The following LSAMP variants were observed in gnomAD, a reference collection of about 807,000 sequenced individuals.
LSAMP encodes limbic system-associated membrane protein.
Under a neutral mutation model 38.6 loss-of-function variants are expected in LSAMP, and 7 were observed. The observed-to-expected ratio is 0.18, with a 90% CI of 0.10 to 0.34. The LOEUF (loss-of-function observed/expected upper bound fraction) is 0.34, where lower values mean the gene tolerates loss of function less well. LSAMP is among the 10% of genes least tolerant of loss of function. The probability of loss-of-function intolerance (pLI) is 1.00; values close to 1 mark genes in which losing one functional copy is unlikely to be tolerated. For synonymous variants in LSAMP, 154 were observed against 166.8 expected (o/e 0.92, Z 0.59); for missense variants, 313 against 420.0 (o/e 0.75, Z 2.23).
chr3:116,213,635 G>A, intron 1 of LSAMP, among the ~76,000 whole-genome samples: 1 of 152,070 alleles, frequency 6.6e-6, no homozygotes. Context: ...AAACTAAATA[G>A]ACAACATGTG....
chr3:116,349,068 T>G (rs2048102475), intron 1 of LSAMP, among the ~76,000 whole-genome samples: 1 of 152,222 alleles, frequency 6.6e-6, no homozygotes, highest in Non-Finnish European at 1.5e-5. Flanking sequence ...TTCCACTGAA[T>G]GTGGATAATA....
At chr3:115,831,020 T>C (rs1396252888) in intron 6 of LSAMP, among the ~76,000 whole-genome samples, 2 of 152,342 alleles carry the variant, frequency 1.3e-5, no homozygotes, top group East Asian at 3.9e-4. Flanking sequence ...TTCTAAACTT[T>C]AATTTTGGGA....
At position 115,928,973 on chromosome 3, in the gene LSAMP, G is replaced by GTTTTTTTTTTTTTTTT. The variant is rs67711628; in HGVS notation, c.515-76372_515-76357dup. 4.3e-3 allele frequency among the ~76,000 whole-genome samples: 472 copies of GTTTTTTTTTTTTTTTT among 109,850 alleles called. 3 individuals carry two copies. Among genetic ancestry groups the GTTTTTTTTTTTTTTTT allele is most frequent in the East Asian group, 4.8e-3 (16 of 3,368 alleles). 72.1% of individuals were successfully genotyped at this position (109,850 alleles called of 152,430 possible). A position where few individuals can be genotyped will look rare whatever the true frequency, so the allele number is the denominator to read the frequency against. Reference sequence around the variant, plus strand: ...GGCTTATCATGCAGGTTTTTTGTTTGTTTTTTTTTTTTTTTTTGCTTGTTT... The same window carrying GTTTTTTTTTTTTTTTT: ...GGCTTATCATGCAGGTTTTTTGTTTGTTTTTTTTTTTTTTTTTTTTTTTTTTTTTTTTTGCTTGTTT... On this transcript the variant is annotated intron_variant, in intron 3 of 6. Transcript: ENST00000490035.
chr3:115,842,455 T>C lies in LSAMP; in HGVS notation c.770+3A>G, dbSNP rs1252736271. On this transcript the variant is annotated splice_donor_region_variant and intron_variant, in intron 5 of 6. Coordinates refer to ENST00000490035, the MANE Select transcript of LSAMP (RefSeq NM_002338.5). ...CATGGGGGATGGTAGGTTTGGCACATACCTAGTGTCATCCCGGTACCACTC... is the reference window on the plus strand; with the variant it reads ...CATGGGGGATGGTAGGTTTGGCACACACCTAGTGTCATCCCGGTACCACTC... 6.2e-7 allele frequency: 1 copy of C among 1,613,338 alleles called. No homozygotes were observed. Among genetic ancestry groups the C allele is most frequent in the African/African-American group, 1.3e-5 (1 of 74,904 alleles).
chr3:116,438,550 T>C lies in LSAMP; in HGVS notation c.155+6327A>G, dbSNP rs570564960. On this transcript the variant is annotated intron_variant, in intron 1 of 6. Coordinates refer to ENST00000490035, the MANE Select transcript of LSAMP (RefSeq NM_002338.5). The stretch of plus-strand genomic sequence containing the variant: ...ACTAAAGAGAAATCACTATATAAAA[T>C]TGAGATGAATTATACAATTATTTAG... Among the ~76,000 whole-genome samples the C allele has an allele frequency of 1.1e-4, 16 of 152,354 alleles. No individual in the cohort carries two copies. In the East Asian group the frequency reaches 2.9e-3, roughly 27 times the overall value.
chr3:115,859,181 G>A (rs1329433804), intron 3 of LSAMP, among the ~76,000 whole-genome samples: 1 of 152,130 alleles, frequency 6.6e-6, no homozygotes, highest in Non-Finnish European at 1.5e-5. Context: ...GCTGTCCAAA[G>A]GCTGAAACCA....
intron 3 of LSAMP, among the ~76,000 whole-genome samples, chr3:115,944,261 A>G (rs1938023391): frequency 6.6e-6 from 1 of 152,134 alleles, no homozygotes; most frequent in South Asian, 2.1e-4. Context: ...GCTCTCATTG[A>G]AAGTAAGAAC....
chr3:115,818,367 A>G (rs547636197), intron 6 of LSAMP, among the ~76,000 whole-genome samples: 2 of 152,264 alleles, frequency 1.3e-5, no homozygotes, highest in South Asian at 4.1e-4. Context: ...ATCTTCAGTT[A>G]AAAAACACTA....
chr3:115,983,831 A>G (rs2107631462), intron 3 of LSAMP, among the ~76,000 whole-genome samples: 1 of 152,322 alleles, frequency 6.6e-6, no homozygotes, highest in Non-Finnish European at 1.5e-5. Flanking sequence ...ATGAGTCTTC[A>G]GAGATAGGCA....
intron 3 of LSAMP, among the ~76,000 whole-genome samples, chr3:115,862,306 A>G (rs1441378942): frequency 1.3e-5 from 2 of 152,242 alleles, no homozygotes; most frequent in Non-Finnish European, 2.9e-5. Flanking sequence ...TAGTAAGTGA[A>G]TGTGTTAAAC....
At chr3:115,889,937 C>T (rs1214366373) in intron 3 of LSAMP, among the ~76,000 whole-genome samples, 2 of 151,900 alleles carry the variant, frequency 1.3e-5, no homozygotes, top group African/African-American at 4.8e-5. Context: ...TTTAGTTACT[C>T]CCTCAGAACT....
intron 1 of LSAMP, among the ~76,000 whole-genome samples, chr3:116,420,735 G>T (rs1177320379): frequency 2.0e-5 from 3 of 151,946 alleles, no homozygotes; most frequent in Non-Finnish European, 4.4e-5. Flanking sequence ...ATATTAGCCG[G>T]GCGTGGTGGT....
intron 3 of LSAMP, among the ~76,000 whole-genome samples, chr3:115,986,869 C>T (rs1212963322): frequency 6.6e-6 from 1 of 152,162 alleles, no homozygotes; most frequent in Non-Finnish European, 1.5e-5. Context: ...CAGGGAGCCT[C>T]ATTCCATTTC....
At position 116,195,424 on chromosome 3, in the gene LSAMP, T is replaced by C. The variant is rs76898859; in HGVS notation, c.156-108868A>G. Among the ~76,000 whole-genome samples the C allele has an allele frequency of 3.2e-3, 492 of 152,312 alleles. 2 individuals carry two copies. Among genetic ancestry groups the C allele is most frequent in the South Asian group, 0.013 (62 of 4,834 alleles). On this transcript the variant is annotated intron_variant, in intron 1 of 6. Coordinates refer to ENST00000490035, the MANE Select transcript of LSAMP (RefSeq NM_002338.5). ...ATTTCTGATTAAATAAATTTTCTCA[T>C]ATCAGTATTAATATACCACAAATAT...
At chr3:116,251,007 G>A (rs533665176) in intron 1 of LSAMP, among the ~76,000 whole-genome samples, 1 of 152,288 alleles carries the variant, frequency 6.6e-6, no homozygotes, top group African/African-American at 2.4e-5. Flanking sequence ...ACCTTAGCTG[G>A]AATCCACTGA....
chr3:116,224,397 A>G (rs945981418), intron 1 of LSAMP, among the ~76,000 whole-genome samples: 1 of 152,224 alleles, frequency 6.6e-6, no homozygotes, highest in African/African-American at 2.4e-5. Context: ...TAAAAAATGC[A>G]TAGACTCATC....
intron 3 of LSAMP, among the ~76,000 whole-genome samples, chr3:115,966,302 G>A (rs4318550): frequency 0.24 from 36,979 of 152,032 alleles, 5,119 homozygotes; most frequent in African/African-American, 0.39. Flanking sequence ...CCTTGATCTC[G>A]ACACTGTGGA....
intron 1 of LSAMP, among the ~76,000 whole-genome samples, chr3:116,387,997 G>A (rs930189609): frequency 3.9e-5 from 6 of 151,968 alleles, no homozygotes; most frequent in South Asian, 2.1e-4. Flanking sequence ...CCAGCTACTC[G>A]GGAGGCTGAG....
chr3:116,428,346 T>TACTC (rs2049232825), intron 1 of LSAMP, among the ~76,000 whole-genome samples: 1 of 152,118 alleles, frequency 6.6e-6, no homozygotes, highest in Non-Finnish European at 1.5e-5. Flanking sequence ...TAGTCCCAGC[T>TACTC]ACTCAGGAGG....
Sources: allele counts gnomAD v4.1 joint callset (sites outside exome capture counted in the v4.1 genomes callset), GRCh38; gene constraint gnomAD v4.1.1; transcripts MANE v1.5; gene names NCBI Gene and HGNC (gene_info 2026-07-23, HGNC 2026-07-21).